Variants in NOP9 observed in about 807,000 individuals in gnomAD.
NOP9 encodes the protein nucleolar protein 9.
In NOP9, 50 loss-of-function variants were observed where a neutral mutation model predicts 63.0. The observed-to-expected ratio is 0.79, with a 90% CI of 0.63 to 1.00. The LOEUF is 1.00. Ranked by LOEUF, NOP9 falls within the 50% of genes least tolerant of loss-of-function variation. The pLI is 0.00. For synonymous variants in NOP9, 343 were observed against 332.8 expected (o/e 1.03, Z -0.33); for missense variants, 758 against 803.0 (o/e 0.94, Z 0.68).
chr14:24,308,230 C>CAGGCTCTG lies in NOP9; in HGVS notation c.*3138_*3145dup. On this transcript the variant is annotated 3_prime_UTR_variant, in exon 10 of 10. Coordinates refer to ENST00000267425, the MANE Select transcript of NOP9 (RefSeq NM_174913.3). The stretch of plus-strand genomic sequence containing the variant: ...ATTTCTGGGGACGGTTTCTGGCTCT[C>CAGGCTCTG]AGGCTCTGAGAAGCTGCAGTTTATG... 3.4e-6 allele frequency: 1 copy of CAGGCTCTG among 296,392 alleles called. No individual in the cohort carries two copies. Among genetic ancestry groups the CAGGCTCTG allele is most frequent in the Non-Finnish European group, 6.5e-6 (1 of 153,284 alleles). 18.4% of individuals were successfully genotyped at this position (296,392 alleles called of 1,614,324 possible). A position where few individuals can be genotyped will look rare whatever the true frequency, so the allele number is the denominator to read the frequency against.
upstream of NOP9, among the ~76,000 whole-genome samples, chr14:24,296,159 A>G (rs1348800540): frequency 1.3e-5 from 2 of 152,176 alleles, no homozygotes; most frequent in Non-Finnish European, 2.9e-5. Flanking sequence ...GTCTAAAATA[A>G]AACAATTTCT....
rs2041511263 is a variant in NOP9, at chr14:24,306,474, T to C, written c.*1379T>C. The C allele has an allele frequency of 1.2e-6, 2 of 1,614,128 alleles. No individual in the cohort carries two copies. The highest frequency in any genetic ancestry group is 2.7e-5 in the African/African-American group (2 of 74,940). On this transcript the variant is annotated 3_prime_UTR_variant, in exon 10 of 10. Transcript: ENST00000267425. ...CTCACTGTCCACTGCAGTTCCATCCTCCTCTAGCACCAGGGTTAGCACTCC... is the reference window on the plus strand; with the variant it reads ...CTCACTGTCCACTGCAGTTCCATCCCCCTCTAGCACCAGGGTTAGCACTCC...
At chr14:24,285,401 G>A in the NOP9 span, among the ~76,000 whole-genome samples, 1 of 152,306 alleles carries the variant, frequency 6.6e-6, no homozygotes, top group South Asian at 2.1e-4. Flanking sequence ...AGGGGTGGGG[G>A]CTCTGGGTGC....
the NOP9 span, among the ~76,000 whole-genome samples, chr14:24,274,771 G>T: frequency 6.6e-6 from 1 of 152,026 alleles, no homozygotes; most frequent in Admixed American, 6.6e-5. Context: ...ACCCTGCCCA[G>T]CTAATTTTTT....
At chr14:24,273,114 G>T in the NOP9 span, among the ~76,000 whole-genome samples, 14,470 of 152,174 alleles carry the variant, frequency 0.095, 1,092 homozygotes, top group East Asian at 0.43. Flanking sequence ...TTTGCGAATA[G>T]TGTGTCCATG....
the NOP9 span, among the ~76,000 whole-genome samples, chr14:24,289,038 C>T: frequency 1.2e-3 from 177 of 151,708 alleles, 1 homozygote; most frequent in African/African-American, 4.1e-3. Context: ...TGCAGTGGCA[C>T]GATCTCGGCT....
chr14:24,306,559 A>T lies in NOP9; in HGVS notation c.*1464A>T. The T allele has an allele frequency of 6.2e-7, 1 of 1,613,908 alleles. No individual in the cohort carries two copies. The highest frequency in any genetic ancestry group is 8.5e-7 in the Non-Finnish European group (1 of 1,179,760). On this transcript the variant is annotated 3_prime_UTR_variant, in exon 10 of 10. Transcript: ENST00000267425. ...GCAAGAAGCAAGAAGGGCAGGTCTT[A>T]TCCCATGCCCCTTCCCTCTTTAGCT...
At chr14:24,294,019 G>A in the NOP9 span, 1 of 152,088 alleles carries the variant, frequency 6.6e-6, no homozygotes, top group African/African-American at 2.4e-5. Flanking sequence ...TGGGACAACC[G>A]ACCAGTTATT....
the NOP9 span, chr14:24,291,408 TG>T: frequency 1.9e-6 from 2 of 1,072,220 alleles, no homozygotes; most frequent in Non-Finnish European, 2.9e-6. Flanking sequence ...GACCTCAAAC[TG>T]GGAATGCTGA....
At chr14:24,289,743 G>A in the NOP9 span, among the ~76,000 whole-genome samples, 3 of 152,162 alleles carry the variant, frequency 2.0e-5, no homozygotes, top group Admixed American at 1.3e-4. Context: ...ATGTACTGTC[G>A]CCATGGCTGA....
At chr14:24,285,193 CA>C in the NOP9 span, among the ~76,000 whole-genome samples, 2 of 152,208 alleles carry the variant, frequency 1.3e-5, no homozygotes, top group Non-Finnish European at 2.9e-5. Context: ...ACATGCATCT[CA>C]CAGCCATGTT....
rs137954149 is a variant in NOP9 at position 24,302,842 on chromosome 14, A to G, written c.1144-232A>G. Among the ~76,000 whole-genome samples the G allele has an allele frequency of 1.8e-4, 27 of 152,302 alleles. No individual in the cohort carries two copies. The East Asian group carries it at 5.2e-3, about 29-fold the overall frequency. On this transcript the variant is annotated intron_variant, in intron 5 of 9. Coordinates refer to ENST00000267425, the MANE Select transcript of NOP9 (RefSeq NM_174913.3). The stretch of plus-strand genomic sequence containing the variant: ...TTAATTTTAGTCTCCCCTTGCTCCT[A>G]GTGCTCCCTTACACATAGGGAAGAG...
Position 24,307,591 on chromosome 14 carries a change from T to A in NOP9, c.*2496T>A. ...TGTAAAGGGCATGATGAGGGTAGAG[T>A]GGCTAGAGGGCTAGGGAGGGAGAGA... On this transcript the variant is annotated 3_prime_UTR_variant, in exon 10 of 10. Coordinates refer to ENST00000267425, the MANE Select transcript of NOP9 (RefSeq NM_174913.3). The A allele has an allele frequency of 2.0e-6, 3 of 1,510,022 alleles. No homozygotes were observed. The highest frequency in any genetic ancestry group is 2.7e-6 in the Non-Finnish European group (3 of 1,107,362). The allele number at this position is 1,510,022 out of a possible 1,614,324, so 93.5% of individuals were successfully genotyped here. A position where few individuals can be genotyped will look rare whatever the true frequency, so the allele number is the denominator to read the frequency against.
chr14:24,278,190 G>A, the NOP9 span, among the ~76,000 whole-genome samples: 1 of 152,140 alleles, frequency 6.6e-6, no homozygotes, highest in Admixed American at 6.5e-5. Flanking sequence ...ACCCGGAGGT[G>A]GGGCCAGTGA....
At position 24,307,696 on chromosome 14, in the gene NOP9, A is replaced by T. The variant is rs2041561970; in HGVS notation, c.*2601A>T. 2 of 1,283,718 alleles carry T rather than the reference A, an allele frequency of 1.6e-6. No individual in the cohort carries two copies. Among genetic ancestry groups the T allele is most frequent in the Non-Finnish European group, 2.2e-6 (2 of 905,772 alleles). The allele number at this position is 1,283,718 out of a possible 1,614,324, so 79.5% of individuals were successfully genotyped here. ...GGTGGCTCAGGAGCTTGACAAGCCC[A>T]CTGTGGAGTGGGGAGCAGGAGAGGA... is the stretch of plus-strand genomic sequence containing the variant. On this transcript the variant is annotated 3_prime_UTR_variant, in exon 10 of 10. Coordinates refer to ENST00000267425, the MANE Select transcript of NOP9 (RefSeq NM_174913.3).
At chr14:24,276,680 A>G in the NOP9 span, among the ~76,000 whole-genome samples, 4 of 152,228 alleles carry the variant, frequency 2.6e-5, no homozygotes, top group South Asian at 4.1e-4. Context: ...GGAGTAGGAC[A>G]GGGGCCCATG....
the NOP9 span, among the ~76,000 whole-genome samples, chr14:24,277,825 C>T: frequency 1.3e-5 from 2 of 151,986 alleles, no homozygotes; most frequent in African/African-American, 4.8e-5. Context: ...GGATGCTGGC[C>T]TTGTGGGGAA....
At chr14:24,286,886 G>A in the NOP9 span, among the ~76,000 whole-genome samples, 3 of 148,114 alleles carry the variant, frequency 2.0e-5, no homozygotes, top group African/African-American at 5.0e-5. Context: ...GTGAGCCACC[G>A]CGCCCGGCCT....
Position 24,307,293 on chromosome 14 carries a change from C to G in NOP9, c.*2198C>G. On this transcript the variant is annotated 3_prime_UTR_variant, in exon 10 of 10. Transcript: ENST00000267425. ...AGCTGTGTGACTTCAGCCCTCTGCT[C>G]CATCATCACAAGTTGCCACTGTTGT... 6.7e-7 allele frequency: 1 copy of G among 1,484,956 alleles called. No individual in the cohort carries two copies. The highest frequency in any genetic ancestry group is 2.4e-4 in the Middle Eastern group (1 of 4,102). 92.0% of individuals were successfully genotyped at this position (1,484,956 alleles called of 1,614,324 possible).
Sources: gnomAD v4.1 joint callset for allele counts (sites outside exome capture counted in the v4.1 genomes callset) on GRCh38, gnomAD v4.1.1 for gene constraint, MANE v1.5 for transcripts, NCBI Gene and HGNC (gene_info 2026-07-23, HGNC 2026-07-21) for gene names.